Variants in MYO5B observed in about 807,000 individuals in gnomAD.
MYO5B encodes the protein myosin VB.
In MYO5B, 143 loss-of-function variants were observed where a neutral mutation model predicts 229.3. The ratio of observed to expected loss-of-function variants is 0.62; its 90% CI spans 0.54 to 0.72. The LOEUF is 0.72. Among genes scored for constraint, MYO5B ranks in the 30% least tolerant of loss-of-function variants. MYO5B has a pLI of 0.00. For synonymous variants in MYO5B, 918 were observed against 885.2 expected, an observed-to-expected ratio of 1.04 and a Z score of -0.66; for missense variants, 2,321 against 2,331.0, an observed-to-expected ratio of 1.00 and a Z score of 0.09.
At position 50,171,407 on chromosome 18, in the gene MYO5B, T is replaced by A. The variant is rs576435747; in HGVS notation, c.27+23360A>T. Among the ~76,000 whole-genome samples, 41 of 126,958 alleles carry A rather than the reference T, an allele frequency of 3.2e-4. 13 individuals are homozygous for A. The South Asian group carries it at 0.011, about 35-fold the overall frequency. 83.3% of individuals were successfully genotyped at this position (126,958 alleles called of 152,430 possible). ...GAAGGGCTTATAGAGAAGCTGCAAT[T>A]TGACCTTGGTCTCGAGAGAGACCAT... On this transcript the variant is annotated intron_variant, in intron 1 of 39. Transcript: ENST00000285039.
intron 4 of MYO5B, among the ~76,000 whole-genome samples, chr18:50,002,274 A>C (rs1291997073): frequency 1.3e-5 from 2 of 152,190 alleles, no homozygotes; most frequent in Non-Finnish European, 2.9e-5. Context: ...TCTTGCCTCA[A>C]GTTTCTCAGA....
At position 50,055,252 on chromosome 18, in the gene MYO5B, C is replaced by A; in HGVS notation, c.138+16G>T. ...CCCACCTCACCCCCGCCCCCCTGCC[C>A]CGGACTCACTCTTACCGTTTCATCC... is the stretch of plus-strand genomic sequence containing the variant. On this transcript the variant is annotated intron_variant, in intron 2 of 39. Coordinates refer to ENST00000285039, the MANE Select transcript of MYO5B (RefSeq NM_001080467.3). 7.0e-7 allele frequency: 1 copy of A among 1,437,316 alleles called. No homozygotes were observed. Among genetic ancestry groups the A allele is most frequent in the South Asian group, 1.1e-5 (1 of 87,260 alleles). The allele number at this position is 1,437,316 out of a possible 1,614,324, so 89.0% of individuals were successfully genotyped here. A position where few individuals can be genotyped will look rare whatever the true frequency, so the allele number is the denominator to read the frequency against.
chr18:49,945,937 C>A (rs1232737895), intron 14 of MYO5B, among the ~76,000 whole-genome samples: 3 of 152,138 alleles, frequency 2.0e-5, no homozygotes, highest in Non-Finnish European at 4.4e-5. Flanking sequence ...GTGATTCATG[C>A]CTGTCTGTCA....
At chr18:49,930,895 A>AAAT (rs1360516876) in intron 16 of MYO5B, among the ~76,000 whole-genome samples, 1 of 149,866 alleles carries the variant, frequency 6.7e-6, no homozygotes, top group East Asian at 2.1e-4. Context: ...CTGTCTCAAA[A>AAAT]AAAAACACTA....
chr18:50,134,090 A>C (rs2032296956), intron 1 of MYO5B, among the ~76,000 whole-genome samples: 1 of 152,192 alleles, frequency 6.6e-6, no homozygotes, highest in Admixed American at 6.5e-5. Flanking sequence ...TTGCTCCCGG[A>C]AAAAGGAACT....
chr18:50,183,556 C>A (rs1355410), intron 1 of MYO5B, among the ~76,000 whole-genome samples: 1 of 151,132 alleles, frequency 6.6e-6, no homozygotes, highest in African/African-American at 2.4e-5. Context: ...CAGCTTTTCA[C>A]TGGAGGATGT....
intron 38 of MYO5B, among the ~76,000 whole-genome samples, chr18:49,836,142 C>G (rs989121552): frequency 6.6e-6 from 1 of 152,098 alleles, no homozygotes; most frequent in Non-Finnish European, 1.5e-5. Context: ...TGTTATTTAT[C>G]TTTCAGGGAC....
rs117490880 is a variant in MYO5B, at chr18:49,965,031, C to T, written c.1323-2001G>A. On this transcript the variant is annotated intron_variant, in intron 10 of 39. Coordinates refer to ENST00000285039, the MANE Select transcript of MYO5B (RefSeq NM_001080467.3). The stretch of plus-strand genomic sequence containing the variant: ...ACAACCTGACCTGCACCTTAGAGAC[C>T]GGCAGGAGAACAACTGTGAGCCGGG... 1.5e-3 allele frequency among the ~76,000 whole-genome samples: 222 copies of T among 152,294 alleles called. 4 individuals carry two copies. In the East Asian group the frequency reaches 0.033, roughly 23 times the overall value.
intron 2 of MYO5B, among the ~76,000 whole-genome samples, chr18:50,043,888 T>A (rs927122263): frequency 6.6e-6 from 1 of 151,648 alleles, no homozygotes; most frequent in Admixed American, 6.6e-5. Context: ...TTTGGGGACT[T>A]AGGGGAAAAG....
Position 49,834,763 on chromosome 18 carries a change from C to T in MYO5B, c.5394+581G>A, listed in dbSNP as rs28608576. On this transcript the variant is annotated intron_variant, in intron 39 of 39. Transcript: ENST00000285039. ...ACGCCATTCTCCTGCCTCAGCCTCC[C>T]GAGTAGCTGGGACTACAGGCGCCCA... 6.3e-3 allele frequency among the ~76,000 whole-genome samples: 951 copies of T among 152,156 alleles called. 18 individuals carry two copies. Among genetic ancestry groups the T allele is most frequent in the African/African-American group, 0.022 (913 of 41,502 alleles).
At chr18:50,088,044 TAGA>T (rs1413803539) in intron 1 of MYO5B, among the ~76,000 whole-genome samples, 9 of 152,096 alleles carry the variant, frequency 5.9e-5, no homozygotes, top group Admixed American at 2.6e-4. Flanking sequence ...TTGAAGGATG[TAGA>T]AGATTTGAAG....
intron 14 of MYO5B, among the ~76,000 whole-genome samples, chr18:49,939,965 ATGT>A (rs34886959): frequency 0.35 from 53,276 of 151,852 alleles, 10,434 homozygotes; most frequent in Middle Eastern, 0.57. Context: ...CATCATCTTC[ATGT>A]ATGGCTACAG....
At chr18:50,077,380 C>T (rs1397302325) in intron 1 of MYO5B, among the ~76,000 whole-genome samples, 2 of 151,954 alleles carry the variant, frequency 1.3e-5, no homozygotes, top group Admixed American at 6.6e-5. Flanking sequence ...ACTCGGAAGT[C>T]CCTTTCTAAG....
chr18:49,929,881 A>T (rs1398953571), intron 16 of MYO5B, among the ~76,000 whole-genome samples: 1 of 151,736 alleles, frequency 6.6e-6, no homozygotes, highest in Non-Finnish European at 1.5e-5. Context: ...TGCCCACCCG[A>T]ATCCTCCCCA....
intron 18 of MYO5B, among the ~76,000 whole-genome samples, chr18:49,910,659 A>G (rs1174237115): frequency 2.6e-5 from 4 of 152,118 alleles, no homozygotes. Flanking sequence ...TACATTTACT[A>G]TAATATTCTG....
chr18:50,165,928 G>A (rs766271253), intron 1 of MYO5B, among the ~76,000 whole-genome samples: 3 of 152,136 alleles, frequency 2.0e-5, no homozygotes, highest in Non-Finnish European at 4.4e-5. Flanking sequence ...TGTCAAAAAA[G>A]GTATTAGAGA....
At chr18:50,109,346 A>C (rs1280452504) in intron 1 of MYO5B, among the ~76,000 whole-genome samples, 1 of 152,186 alleles carries the variant, frequency 6.6e-6, no homozygotes, top group African/African-American at 2.4e-5. Flanking sequence ...ATGCCCCCAG[A>C]AGAGTTCAGA....
chr18:50,042,799 G>A (rs558775894), intron 2 of MYO5B, among the ~76,000 whole-genome samples: 6 of 152,258 alleles, frequency 3.9e-5, no homozygotes, highest in Admixed American at 2.0e-4. Flanking sequence ...CAGCTCAGAA[G>A]GCAGCACAGG....
chr18:49,902,648 G>C lies in MYO5B; in HGVS notation c.2757C>G (p.Leu919=). ...CCACCTTGTTCTCCATGCCCACGTTGAGACGTTTCAGATGCTCTGCTGAGC... is the reference window on the plus strand; with the variant it reads ...CCACCTTGTTCTCCATGCCCACGTTCAGACGTTTCAGATGCTCTGCTGAGC... ...EARSAEHLKR[L]NVGMENKVVQ... The change falls in exon 21 of 40, where the codon CTC becomes CTG. Residue 919 remains leucine, a synonymous_variant. Coordinates refer to ENST00000285039, the MANE Select transcript of MYO5B (RefSeq NM_001080467.3). 1.9e-6 allele frequency: 3 copies of C among 1,613,434 alleles called. No individual in the cohort carries two copies. Among genetic ancestry groups the C allele is most frequent in the Non-Finnish European group, 2.5e-6 (3 of 1,180,038 alleles).
Sources: gnomAD v4.1 joint callset for allele counts (sites outside exome capture counted in the v4.1 genomes callset) on GRCh38, gnomAD v4.1.1 for gene constraint, MANE v1.5 for transcripts, NCBI Gene and HGNC (gene_info 2026-07-23, HGNC 2026-07-21) for gene names.